Variants in CCSER1 observed in about 807,000 individuals in gnomAD.
CCSER1 encodes coiled-coil serine rich protein 1.
In CCSER1, 41 loss-of-function variants were observed where a neutral mutation model predicts 82.0. The ratio of observed to expected loss-of-function variants is 0.50; its 90% confidence interval spans 0.39 to 0.65. The LOEUF (loss-of-function observed/expected upper bound fraction) is 0.65. CCSER1 is among the 30% of genes least tolerant of loss of function. The pLI is 0.00. For missense variants in CCSER1, 1,119 were observed against 1,064.2 expected, an observed-to-expected ratio of 1.05 and a Z score of -0.72; for synonymous variants, 414 against 383.9, an observed-to-expected ratio of 1.08 and a Z score of -0.92.
intron 1 of CCSER1, among the ~76,000 whole-genome samples, chr4:90,158,602 T>C (rs1054639670): frequency 1.3e-5 from 2 of 152,198 alleles, no homozygotes; most frequent in African/African-American, 4.8e-5. Context: ...CTCCCCAGCC[T>C]GGCTGCCGCC....
intron 9 of CCSER1, among the ~76,000 whole-genome samples, chr4:90,951,610 C>T (rs530825379): frequency 4.6e-5 from 7 of 151,880 alleles, no homozygotes; most frequent in Non-Finnish European, 7.4e-5. Context: ...AAAAAATGTA[C>T]GAAGTACATT....
intron 1 of CCSER1, among the ~76,000 whole-genome samples, chr4:90,271,689 A>G (rs1031983717): frequency 4.6e-5 from 7 of 151,372 alleles, no homozygotes; most frequent in Admixed American, 2.6e-4. Context: ...GAAACAATCA[A>G]CAATGTAAAG....
At chr4:90,376,204 C>T (rs1284347175) in intron 3 of CCSER1, among the ~76,000 whole-genome samples, 1 of 152,174 alleles carries the variant, frequency 6.6e-6, no homozygotes, top group African/African-American at 2.4e-5. Context: ...TGTGGTTACT[C>T]AGGGGATCTT....
At chr4:90,800,177 A>G (rs749409219) in intron 7 of CCSER1, among the ~76,000 whole-genome samples, 6 of 152,224 alleles carry the variant, frequency 3.9e-5, no homozygotes, top group African/African-American at 1.2e-4. Flanking sequence ...CTTTATTCCT[A>G]TGTAAAACAC....
intron 3 of CCSER1, among the ~76,000 whole-genome samples, chr4:90,353,807 T>TA (rs1283456754): frequency 1.3e-5 from 2 of 152,174 alleles, no homozygotes; most frequent in Admixed American, 1.3e-4. Flanking sequence ...AGCTAGGTGG[T>TA]ACTGGCCGGA....
intron 10 of CCSER1, among the ~76,000 whole-genome samples, chr4:91,299,303 AG>A (rs1462266165): frequency 6.6e-6 from 1 of 152,020 alleles, no homozygotes; most frequent in African/African-American, 2.4e-5. Flanking sequence ...TGGATTTTTA[AG>A]TTAAACTGTC....
Position 91,600,587 on chromosome 4 carries a change from C to CA in CCSER1, c.*1534dup, listed in dbSNP as rs1056189282. 1 of 152,122 alleles carries CA rather than the reference C, an allele frequency of 6.6e-6. No homozygotes were observed. Among genetic ancestry groups the CA allele is most frequent in the Non-Finnish European group, 1.5e-5 (1 of 68,002 alleles). 9.4% of individuals were successfully genotyped at this position (152,122 alleles called of 1,614,324 possible). ...AACTTGCTTAAATTAAAGCTGTGTG[C>CA]AAAATGCATCTCCTATTATAAAAAT... On this transcript the variant is annotated 3_prime_UTR_variant, in exon 11 of 11. Transcript: ENST00000509176.
At chr4:91,270,163 A>G (rs1399577561) in intron 10 of CCSER1, among the ~76,000 whole-genome samples, 1 of 152,188 alleles carries the variant, frequency 6.6e-6, no homozygotes, top group African/African-American at 2.4e-5. Context: ...ATAAAGAGTT[A>G]CTTAAGAATT....
At position 90,690,085 on chromosome 4, in the gene CCSER1, A is replaced by G. The variant is rs75511255; in HGVS notation, c.1933-33829A>G. On this transcript the variant is annotated intron_variant, in intron 6 of 10. Coordinates refer to ENST00000509176, the MANE Select transcript of CCSER1 (RefSeq NM_001145065.2). Reference sequence around the variant, plus strand: ...GGTAGTCACTGCTGGTGCTCCACACAAGAATATGCAATGTTAATCATAGGA... The same window carrying G: ...GGTAGTCACTGCTGGTGCTCCACACGAGAATATGCAATGTTAATCATAGGA... Among the ~76,000 whole-genome samples, 1,084 of 152,236 alleles carry G rather than the reference A, an allele frequency of 7.1e-3. 10 individuals carry two copies. Among genetic ancestry groups the G allele is most frequent in the African/African-American group, 0.023 (973 of 41,572 alleles).
At chr4:91,265,791 A>C (rs558373271) in intron 10 of CCSER1, among the ~76,000 whole-genome samples, 1 of 152,230 alleles carries the variant, frequency 6.6e-6, no homozygotes, top group Non-Finnish European at 1.5e-5. Flanking sequence ...TTGAACACTG[A>C]AAAATTTTGG....
intron 9 of CCSER1, among the ~76,000 whole-genome samples, chr4:90,933,174 T>C (rs1215893343): frequency 8.5e-6 from 1 of 118,108 alleles, no homozygotes; most frequent in East Asian, 2.2e-4. Context: ...TGTGTGTGTG[T>C]GTGTGTGTGA....
chr4:90,348,981 TGA>T (rs1742924924), intron 3 of CCSER1, among the ~76,000 whole-genome samples: 1 of 152,114 alleles, frequency 6.6e-6, no homozygotes, highest in Non-Finnish European at 1.5e-5. Context: ...GCACTGTATC[TGA>T]TGTTTCCTAA....
Position 91,594,384 on chromosome 4 carries a change from C to T in CCSER1, c.2218-4188C>T, listed in dbSNP as rs142557374. On this transcript the variant is annotated intron_variant, in intron 10 of 10. Transcript: ENST00000509176. ...ATATATATACACATATATATACACA[C>T]ATATATACATATATACACATATATA... 7.3e-3 allele frequency among the ~76,000 whole-genome samples: 966 copies of T among 132,844 alleles called. 3 individuals carry two copies. The highest frequency in any genetic ancestry group is 0.011 in the Non-Finnish European group (678 of 59,906). The allele number at this position is 132,844 out of a possible 152,430, so 87.2% of individuals were successfully genotyped here.
intron 10 of CCSER1, among the ~76,000 whole-genome samples, chr4:91,363,202 T>C (rs1749367222): frequency 6.6e-6 from 1 of 151,858 alleles, no homozygotes; most frequent in Admixed American, 6.6e-5. Context: ...GGACCCCATA[T>C]TTCTAGCGTA....
chr4:90,917,948 C>T (rs967667975), intron 8 of CCSER1, among the ~76,000 whole-genome samples: 1 of 151,960 alleles, frequency 6.6e-6, no homozygotes, highest in Admixed American at 6.6e-5. Context: ...CCTTTAGATT[C>T]ATGACTTAGG....
At chr4:91,094,983 G>GC (rs1474551466) in intron 10 of CCSER1, among the ~76,000 whole-genome samples, 1 of 152,152 alleles carries the variant, frequency 6.6e-6, no homozygotes, top group East Asian at 1.9e-4. Context: ...CTCCCACTGA[G>GC]CAGGTCCAAG....
rs115894091 is a variant in CCSER1, at chr4:91,093,211, G to A, written c.2217+7217G>A. Among the ~76,000 whole-genome samples, 1,437 of 152,242 alleles carry A rather than the reference G, an allele frequency of 9.4e-3. 24 individuals are homozygous for A. The highest frequency in any genetic ancestry group is 0.033 in the African/African-American group (1,355 of 41,548). On this transcript the variant is annotated intron_variant, in intron 10 of 10. Transcript: ENST00000509176. ...CCAAAGTTACCACCGCATATCCTGC[G>A]CATCTTTCTCCTCGTGGACTGATGA...
rs1334844214 is a variant in CCSER1 at position 90,587,310 on chromosome 4, AG to A, written c.1725-40713del. On this transcript the variant is annotated intron_variant, in intron 5 of 10. Transcript: ENST00000509176. ...TGTAGAACTCTATTATAGCAACCAT[AG>A]GAAATTAATAAAAATGCCTGGCCGG... Among the ~76,000 whole-genome samples the A allele has an allele frequency of 8.5e-5, 13 of 152,296 alleles. No individual in the cohort carries two copies. The South Asian group carries it at 2.5e-3, about 29-fold the overall frequency.
chr4:91,487,553 C>G (rs1758287469), intron 10 of CCSER1, among the ~76,000 whole-genome samples: 1 of 152,040 alleles, frequency 6.6e-6, no homozygotes, highest in Non-Finnish European at 1.5e-5. Flanking sequence ...TTACATTAAC[C>G]AGATGGTTAT....
Sources: allele counts gnomAD v4.1 joint callset (sites outside exome capture counted in the v4.1 genomes callset), GRCh38; gene constraint gnomAD v4.1.1; transcripts MANE v1.5; gene names NCBI Gene and HGNC (gene_info 2026-07-23, HGNC 2026-07-21).